Variants in PRDM16 observed in about 807,000 individuals in gnomAD.
PRDM16 encodes the protein histone-lysine N-methyltransferase PRDM16.
In PRDM16, 23 loss-of-function variants were observed where a neutral mutation model predicts 110.6. The ratio of observed to expected loss-of-function variants is 0.21; its 90% CI spans 0.15 to 0.29. PRDM16 has a LOEUF of 0.29. PRDM16 is among the 10% of genes least tolerant of loss of function. The pLI is 1.00. For missense variants in PRDM16, 1,615 were observed against 1,794.3 expected (o/e 0.90, Z 1.81); for synonymous variants, 799 against 781.8 (o/e 1.02, Z -0.37).
intron 8 of PRDM16, among the ~76,000 whole-genome samples, chr1:3,409,040 C>T (rs1378172350): frequency 3.3e-5 from 5 of 149,878 alleles, no homozygotes; most frequent in African/African-American, 9.8e-5. Context: ...TGAGTGTGGG[C>T]GTGTGGGCCG....
intron 1 of PRDM16, among the ~76,000 whole-genome samples, chr1:3,112,628 C>A (rs1569579722): frequency 6.6e-6 from 1 of 152,358 alleles, no homozygotes; most frequent in Non-Finnish European, 1.5e-5. Context: ...GTCTGTGGAG[C>A]CTGTCCTCCA....
rs1338245447 is a variant in PRDM16, at chr1:3,325,928, C to CCAT, written c.439-59223_439-59222insATC. Reference sequence around the variant, plus strand: ...CTTGGCCCTCCTTGGCCCTCCTCGGCCCTCTTGGCCCTCCTTGGCCATCCT... The same window carrying CCAT: ...CTTGGCCCTCCTTGGCCCTCCTCGGCCATCCTCTTGGCCCTCCTTGGCCATCCT... On this transcript the variant is annotated intron_variant, in intron 3 of 16. Coordinates refer to ENST00000270722, the MANE Select transcript of PRDM16 (RefSeq NM_022114.4). Among the ~76,000 whole-genome samples the CCAT allele has an allele frequency of 5.7e-4, 66 of 115,806 alleles. 6 individuals are homozygous for CCAT. The highest frequency in any genetic ancestry group is 5.4e-3 in the South Asian group (18 of 3,332). The allele number at this position is 115,806 out of a possible 152,430, so 76.0% of individuals were successfully genotyped here. A position where few individuals can be genotyped will look rare whatever the true frequency, so the allele number is the denominator to read the frequency against.
At chr1:3,162,948 C>T (rs1643912798) in intron 1 of PRDM16, among the ~76,000 whole-genome samples, 1 of 111,818 alleles carries the variant, frequency 8.9e-6, no homozygotes, top group African/African-American at 3.9e-5. Flanking sequence ...CGCAGAAGCC[C>T]CTGGCATGGT....
At position 3,255,779 on chromosome 1, in the gene PRDM16, C is replaced by A. The variant is rs1342434677; in HGVS notation, c.438+11642C>A. 6.6e-6 allele frequency among the ~76,000 whole-genome samples: 1 copy of A among 152,158 alleles called. No individual in the cohort carries two copies. Among genetic ancestry groups the A allele is most frequent in the African/African-American group, 2.4e-5 (1 of 41,442 alleles). On this transcript the variant is annotated intron_variant, in intron 3 of 16. Transcript: ENST00000270722. This position sits in a 1 kb window ranked among gnomAD's most constrained non-coding sequence, Gnocchi z 4.7. ...AAGAAGACAGCAGACACACATAGTC[C>A]TCATCCTCCTTAGGCCTTGGCTCAG...
At chr1:3,225,494 G>A (rs1639264752) in intron 2 of PRDM16, among the ~76,000 whole-genome samples, 1 of 151,736 alleles carries the variant, frequency 6.6e-6, no homozygotes, top group African/African-American at 2.4e-5. Context: ...CTGGGTGCAG[G>A]CTTTCCACAG....
At chr1:3,182,749 C>T (rs966740054) in intron 1 of PRDM16, among the ~76,000 whole-genome samples, 5 of 152,184 alleles carry the variant, frequency 3.3e-5, no homozygotes, top group Non-Finnish European at 7.3e-5. Flanking sequence ...GACGATCGCT[C>T]ATACGTGTGT....
At chr1:3,231,087 A>G (rs891634773) in intron 2 of PRDM16, among the ~76,000 whole-genome samples, 7 of 152,126 alleles carry the variant, frequency 4.6e-5, no homozygotes, top group African/African-American at 1.2e-4. Context: ...GCCGGGGTCA[A>G]TGTGCCTCCA....
intron 1 of PRDM16, among the ~76,000 whole-genome samples, chr1:3,086,656 G>A (rs890167304): frequency 7.9e-5 from 12 of 152,094 alleles, no homozygotes; most frequent in Non-Finnish European, 1.3e-4. Flanking sequence ...ACCCAGGCCC[G>A]GCCACTGACG....
At chr1:3,248,268 G>A (rs917505543) in intron 3 of PRDM16, among the ~76,000 whole-genome samples, 1 of 152,302 alleles carries the variant, frequency 6.6e-6, no homozygotes, top group Non-Finnish European at 1.5e-5. Flanking sequence ...AATCTCTGGC[G>A]ATATGAAAGG....
Position 3,213,181 on chromosome 1 carries a change from GA to G in PRDM16, c.387+26708del, listed in dbSNP as rs1287165017. 6.6e-6 allele frequency among the ~76,000 whole-genome samples: 1 copy of G among 152,220 alleles called. No homozygotes were observed. Among genetic ancestry groups the G allele is most frequent in the East Asian group, 1.9e-4 (1 of 5,194 alleles). On this transcript the variant is annotated intron_variant, in intron 2 of 16. Transcript: ENST00000270722. The surrounding 1 kb of genome is among the most constrained non-coding windows in gnomAD (Gnocchi z 5.3). ...CACCGCCAACAGCAACAGAAACACA[GA>G]TTTGGAGATCCCCAAATTAGCCAAT...
In PRDM16 at chr1:3,429,516, G is replaced by A. The variant is rs553260294; in HGVS notation, c.3285-1356G>A. Among the ~76,000 whole-genome samples the A allele has an allele frequency of 3.0e-4, 46 of 152,292 alleles. 1 individual carries two copies. The highest frequency in any genetic ancestry group is 5.6e-4 in the Non-Finnish European group (38 of 68,032). On this transcript the variant is annotated intron_variant, in intron 14 of 16. Transcript: ENST00000270722. ...CTCTCACCCTGCGCCATCTCATCCCGTCCTCAGAGTGGACAGGGAGGGGTA... is the reference window on the plus strand; with the variant it reads ...CTCTCACCCTGCGCCATCTCATCCCATCCTCAGAGTGGACAGGGAGGGGTA...
Position 3,436,021 on chromosome 1 carries a change from G to GGCCTTCTCAC in PRDM16, c.*2213_*2222dup, listed in dbSNP as rs1271120623. On this transcript the variant is annotated 3_prime_UTR_variant, in exon 17 of 17. Coordinates refer to ENST00000270722, the MANE Select transcript of PRDM16 (RefSeq NM_022114.4). ...CAGGATCTGCAAACACAACTGCTCA[G>GGCCTTCTCAC]GCCTTCTCACGCGTTTCCACAACAT... 1.7e-5 allele frequency: 4 copies of GGCCTTCTCAC among 230,474 alleles called. No homozygotes were observed. The highest frequency in any genetic ancestry group is 3.4e-5 in the Non-Finnish European group (4 of 116,426). The allele number at this position is 230,474 out of a possible 1,614,324, so 14.3% of individuals were successfully genotyped here. A position where few individuals can be genotyped will look rare whatever the true frequency, so the allele number is the denominator to read the frequency against.
intron 1 of PRDM16, among the ~76,000 whole-genome samples, chr1:3,111,059 C>T (rs544075534): frequency 5.2e-4 from 79 of 152,250 alleles, no homozygotes; most frequent in African/African-American, 8.9e-4. Flanking sequence ...CCACACCTGC[C>T]GAGTGTGAGA....
chr1:3,104,141 G>A (rs961420407), intron 1 of PRDM16, among the ~76,000 whole-genome samples: 3 of 152,194 alleles, frequency 2.0e-5, no homozygotes, highest in African/African-American at 7.2e-5. Flanking sequence ...AGGGTCCCCC[G>A]AGGTCTGATG....
chr1:3,396,414 G>C (rs1183593676), intron 4 of PRDM16, 77 bp from the exon 5 acceptor site: 7 of 809,866 alleles, frequency 8.6e-6, no homozygotes. Context: ...ACAGTGTGAG[G>C]GCTGAGTGTG....
intron 3 of PRDM16, among the ~76,000 whole-genome samples, chr1:3,312,843 G>C (rs1164149891): frequency 6.6e-6 from 1 of 152,244 alleles, no homozygotes; most frequent in African/African-American, 2.4e-5. Context: ...TTGAACACTT[G>C]TGATCCTAAC....
chr1:3,399,987 G>T (rs1038906743), intron 5 of PRDM16, among the ~76,000 whole-genome samples: 4 of 152,202 alleles, frequency 2.6e-5, no homozygotes, highest in Non-Finnish European at 5.9e-5. Context: ...GCTCAGATCT[G>T]CAGGGCTTGT....
rs1641691972 is a variant in PRDM16, at chr1:3,069,521, G to A, written c.37+225G>A. On this transcript the variant is annotated intron_variant, in intron 1 of 16. Transcript: ENST00000270722. This position sits in a 1 kb window ranked among gnomAD's most constrained non-coding sequence, Gnocchi z 6.1. ...GGGCCGCGCGCTCCCCGAAGGCGCC[G>A]GCCCCCTCCCCGCGGAACCCCCTCC... Among the ~76,000 whole-genome samples the A allele has an allele frequency of 6.8e-6, 1 of 147,572 alleles. No individual in the cohort carries two copies. Among genetic ancestry groups the A allele is most frequent in the East Asian group, 2.1e-4 (1 of 4,770 alleles).
intron 16 of PRDM16, among the ~76,000 whole-genome samples, 184 bp from the exon 17 acceptor site, chr1:3,433,493 G>A (rs931757035): frequency 3.4e-5 from 5 of 145,496 alleles, no homozygotes; most frequent in Non-Finnish European, 6.0e-5. Flanking sequence ...CTGCCTGTCT[G>A]GGATGGCCCG....
Sources: allele counts gnomAD v4.1 joint callset (sites outside exome capture counted in the v4.1 genomes callset), GRCh38; gene constraint gnomAD v4.1.1; non-coding constraint Gnocchi (gnomAD v3.1); transcripts MANE v1.5; gene names NCBI Gene and HGNC (gene_info 2026-07-23, HGNC 2026-07-21).